ZNF343: variants seen among roughly 807,000 people sequenced by gnomAD.
ZNF343 encodes the protein zinc finger protein 343.
A neutral mutation model predicts 13.8 loss-of-function variants in ZNF343; 11 were observed. The observed-to-expected ratio is 0.80, with a 90% CI of 0.50 to 1.32. The LOEUF is 1.32. ZNF343 is among the 40% of genes most tolerant of loss of function. The probability of loss-of-function intolerance (pLI) is 0.00; values close to 1 mark genes in which losing one functional copy is unlikely to be tolerated. For synonymous variants in ZNF343, 248 were observed against 260.0 expected (o/e 0.95, Z 0.44); for missense variants, 658 against 714.2 (o/e 0.92, Z 0.90).
At chr20:2,491,303 G>C (rs1600045061) in intron 5 of ZNF343, among the ~76,000 whole-genome samples, 1 of 152,020 alleles carries the variant, frequency 6.6e-6, no homozygotes. Context: ...TAATTAATAA[G>C]TTTTATGTTA....
At chr20:2,514,989 C>T (rs180854721) in intron 1 of ZNF343, among the ~76,000 whole-genome samples, 33 of 131,874 alleles carry the variant, frequency 2.5e-4, no homozygotes, top group East Asian at 8.9e-4. Context: ...GGTGACAGAG[C>T]GAGACATTGT....
At chr20:2,504,041 C>A (rs2085613830) in intron 1 of ZNF343, among the ~76,000 whole-genome samples, 1 of 151,940 alleles carries the variant, frequency 6.6e-6, no homozygotes, top group South Asian at 2.1e-4. Context: ...TTGAAAAGAT[C>A]AACAAAATTG....
intron 1 of ZNF343, among the ~76,000 whole-genome samples, chr20:2,521,423 G>GA (rs1349332571): frequency 6.6e-6 from 1 of 152,196 alleles, no homozygotes; most frequent in Non-Finnish European, 1.5e-5. Flanking sequence ...TCTGGAGACA[G>GA]AAGTAGCCTT....
chr20:2,483,024 G>A lies in ZNF343; in HGVS notation c.*137C>T. On this transcript the variant is annotated 3_prime_UTR_variant, in exon 6 of 6. Transcript: ENST00000278772. ...ACGTGTCCCTCCCATGCCTGATAAG[G>A]GCTGACACATCTCTGGAACTTCACT... 1 of 1,062,816 alleles carries A rather than the reference G, an allele frequency of 9.4e-7. No homozygotes were observed. The highest frequency in any genetic ancestry group is 1.3e-6 in the Non-Finnish European group (1 of 747,642). The allele number at this position is 1,062,816 out of a possible 1,614,324, so 65.8% of individuals were successfully genotyped here.
rs577636455 is a variant in ZNF343, at chr20:2,518,632, A to C, written c.-347+5823T>G. On this transcript the variant is annotated intron_variant, in intron 1 of 6. Transcript: ENST00000358413. The surrounding 1 kb of genome is among the most constrained non-coding windows in gnomAD (Gnocchi z 4.6). ...TCCCTTACAGACACTACCTTCCAAC[A>C]TACCACATGCTCTCAGCCCCGTGTC... 1.2e-4 allele frequency among the ~76,000 whole-genome samples: 18 copies of C among 152,226 alleles called. No homozygotes were observed. The highest frequency in any genetic ancestry group is 4.3e-4 in the African/African-American group (18 of 41,522).
intron 1 of ZNF343, among the ~76,000 whole-genome samples, chr20:2,516,862 G>T (rs2085761524): frequency 6.6e-6 from 1 of 152,232 alleles, no homozygotes; most frequent in Non-Finnish European, 1.5e-5. Context: ...TTAGGGTAAA[G>T]GTGGGCGTGA....
At position 2,518,551 on chromosome 20, in the gene ZNF343, T is replaced by A. The variant is rs1274157842; in HGVS notation, c.-347+5904A>T. Among the ~76,000 whole-genome samples, 1 of 152,170 alleles carries A rather than the reference T, an allele frequency of 6.6e-6. No individual in the cohort carries two copies. Among genetic ancestry groups the A allele is most frequent in the Non-Finnish European group, 1.5e-5 (1 of 68,038 alleles). On this transcript the variant is annotated intron_variant, in intron 1 of 6. Coordinates refer to the ZNF343 transcript ENST00000358413. The surrounding 1 kb of genome is among the most constrained non-coding windows in gnomAD (Gnocchi z 4.6). ...TACTCACAAGTGCCAGACTCTAACTTCTGATTTCTAAATAGCTACCCCTCC... is the reference window on the plus strand; with the variant it reads ...TACTCACAAGTGCCAGACTCTAACTACTGATTTCTAAATAGCTACCCCTCC...
intron 2 of ZNF343, among the ~76,000 whole-genome samples, chr20:2,497,906 C>G (rs2085487515): frequency 6.6e-6 from 1 of 151,352 alleles, no homozygotes; most frequent in Admixed American, 6.6e-5. Flanking sequence ...CTCCATATGG[C>G]TCCTCCACGG....
Position 2,484,032 on chromosome 20 carries a change from G to C in ZNF343, c.929C>G (p.Ser310Cys). 1 of 1,614,196 alleles carries C rather than the reference G, an allele frequency of 6.2e-7. No individual in the cohort carries two copies. The highest frequency in any genetic ancestry group is 1.1e-5 in the South Asian group (1 of 91,084). Residue 310 changes from serine to cysteine, a missense_variant, in exon 6 of 6, where the codon TCC becomes TGC. Transcript: ENST00000278772. ...SECGRGFSQKSNLSRHQRTHS... is the reference protein window; with the variant it reads ...SECGRGFSQKCNLSRHQRTHS... ...TGTTCTCTGGTGTCTGCTGAGGTTG[G>C]ACTTCTGGCTAAAACCTCGCCCGCA...
intron 2 of ZNF343, among the ~76,000 whole-genome samples, chr20:2,500,196 C>T (rs776002339): frequency 3.9e-5 from 6 of 152,182 alleles, no homozygotes; most frequent in Non-Finnish European, 7.3e-5. Context: ...CTACCCAACC[C>T]GGTCATATTA....
chr20:2,488,682 T>C (rs2085319319), intron 5 of ZNF343, among the ~76,000 whole-genome samples: 2 of 152,170 alleles, frequency 1.3e-5, no homozygotes, highest in Non-Finnish European at 2.9e-5. Flanking sequence ...AATTTCACTG[T>C]TTTATTGGGA....
intron 2 of ZNF343, among the ~76,000 whole-genome samples, chr20:2,500,066 G>A (rs549278184): frequency 1.3e-5 from 2 of 151,916 alleles, no homozygotes; most frequent in African/African-American, 4.8e-5. Context: ...AAAATTATGT[G>A]ATGTCTGGGA....
intron 2 of ZNF343, among the ~76,000 whole-genome samples, chr20:2,496,543 T>C (rs1306459097): frequency 1.3e-5 from 2 of 152,126 alleles, no homozygotes; most frequent in African/African-American, 4.8e-5. Flanking sequence ...TTTTAAAAGA[T>C]GTCTCTGGCT....
intron 5 of ZNF343, among the ~76,000 whole-genome samples, chr20:2,492,484 A>T (rs115809902): frequency 2.7e-3 from 412 of 152,234 alleles, no homozygotes; most frequent in African/African-American, 9.4e-3. Context: ...TGCACTTATC[A>T]CCTTTTAACA....
At chr20:2,511,529 C>G (rs1462737856), upstream of ZNF343, among the ~76,000 whole-genome samples, 1 of 152,262 alleles carries the variant, frequency 6.6e-6, no homozygotes, top group African/African-American at 2.4e-5. Flanking sequence ...CTCTGTGCTC[C>G]ATGTGACTGT....
chr20:2,518,026 T>G lies in ZNF343; in HGVS notation c.-347+6429A>C, dbSNP rs538617572. On this transcript the variant is annotated intron_variant, in intron 1 of 6. Coordinates refer to the ZNF343 transcript ENST00000358413. This position sits in a 1 kb window ranked among gnomAD's most constrained non-coding sequence, Gnocchi z 4.6. ...TTTTTTCCTTTTTTCTCTCTTTTTT[T>G]TTTTCGAGACAGAGTCTCACTCTGT... Among the ~76,000 whole-genome samples, 1 of 151,890 alleles carries G rather than the reference T, an allele frequency of 6.6e-6. No individual in the cohort carries two copies. Among genetic ancestry groups the G allele is most frequent in the African/African-American group, 2.4e-5 (1 of 41,486 alleles).
At chr20:2,520,890 C>T (rs1296520300) in intron 1 of ZNF343, among the ~76,000 whole-genome samples, 2 of 152,134 alleles carry the variant, frequency 1.3e-5, no homozygotes, top group Non-Finnish European at 2.9e-5. Context: ...GACTTCACTT[C>T]TGGAGGGAGA....
At chr20:2,502,342 T>C (rs2085582641) in intron 1 of ZNF343, among the ~76,000 whole-genome samples, 1 of 152,216 alleles carries the variant, frequency 6.6e-6, no homozygotes, top group Non-Finnish European at 1.5e-5. Context: ...CTGATTGGTG[T>C]ATCTGAAAGT....
At chr20:2,506,945 TA>T (rs58040955) in intron 1 of ZNF343, among the ~76,000 whole-genome samples, 1,522 of 146,840 alleles carry the variant, frequency 0.01, 32 homozygotes, top group African/African-American at 0.036. Context: ...TAAAGTATAA[TA>T]AAAAAAAAAA....
Sources: allele counts gnomAD v4.1 joint callset (sites outside exome capture counted in the v4.1 genomes callset), GRCh38; gene constraint gnomAD v4.1.1; non-coding constraint Gnocchi (gnomAD v3.1); transcripts MANE v1.5; gene names NCBI Gene and HGNC (gene_info 2026-07-23, HGNC 2026-07-21).